NME7: variants seen among roughly 807,000 people sequenced by gnomAD.
NME7 encodes nucleoside diphosphate kinase 7.
Under a neutral mutation model 49.1 loss-of-function variants are expected in NME7, and 41 were observed. The ratio of observed to expected loss-of-function variants is 0.83; its 90% CI spans 0.65 to 1.08. The LOEUF (loss-of-function observed/expected upper bound fraction) is 1.08. Ranked by LOEUF, NME7 falls within the 50% of genes least tolerant of loss-of-function variation. The pLI is 0.00. For synonymous variants in NME7, 139 were observed against 150.6 expected, an observed-to-expected ratio of 0.92 and a Z score of 0.56; for missense variants, 423 against 463.4, an observed-to-expected ratio of 0.91 and a Z score of 0.80.
chr1:169,246,592 A>C (rs554711019), intron 7 of NME7, among the ~76,000 whole-genome samples: 13 of 152,214 alleles, frequency 8.5e-5, no homozygotes, highest in African/African-American at 2.9e-4. Flanking sequence ...AAAAAGAGTA[A>C]CCAATAGAAC....
rs528628023 is a variant in NME7 at position 169,276,290 on chromosome 1, C to G, written c.754+11013G>C. On this transcript the variant is annotated intron_variant, in intron 7 of 11. Transcript: ENST00000367811. The stretch of plus-strand genomic sequence containing the variant: ...CCAGTTCCTCCTTGTACCTCTGGTA[C>G]AATTCGGCTGTGAATCCATCTGGTC... Among the ~76,000 whole-genome samples the G allele has an allele frequency of 7.5e-5, 10 of 133,550 alleles. 2 individuals carry two copies. Among genetic ancestry groups the G allele is most frequent in the South Asian group, 2.3e-4 (1 of 4,300 alleles). 87.6% of individuals were successfully genotyped at this position (133,550 alleles called of 152,430 possible).
intron 10 of NME7, among the ~76,000 whole-genome samples, chr1:169,184,770 ATG>A (rs1466508028): frequency 7.2e-6 from 1 of 139,118 alleles, no homozygotes; most frequent in East Asian, 1.2e-3. Context: ...GAAGTCAGAC[ATG>A]TTAATAAACA....
rs190286773 is a variant in NME7, at chr1:169,138,496, G to T, written c.1099-5679C>A. ...AGGCCAAGGCAGGAGGATCACTTGA[G>T]CCCAGGAGTTCGAAACTAGCCTGGG... On this transcript the variant is annotated intron_variant, in intron 11 of 11. Coordinates refer to ENST00000367811, the MANE Select transcript of NME7 (RefSeq NM_013330.5). 1.2e-3 allele frequency among the ~76,000 whole-genome samples: 177 copies of T among 152,176 alleles called. No individual in the cohort carries two copies. In the Middle Eastern group the frequency reaches 0.017, roughly 15 times the overall value.
chr1:169,178,005 T>A (rs192713542), intron 10 of NME7, among the ~76,000 whole-genome samples: 1 of 151,772 alleles, frequency 6.6e-6, no homozygotes, highest in Admixed American at 6.6e-5. Flanking sequence ...CCCAGCTAAT[T>A]TTTTTTTGTA....
At position 169,280,802 on chromosome 1, in the gene NME7, C is replaced by T. The variant is rs575006357; in HGVS notation, c.754+6501G>A. ...TTATTTCTGAGGCCTACATTCTGTT[C>T]CTTTTGTCTACATATCTGTTTTGGT... On this transcript the variant is annotated intron_variant, in intron 7 of 11. Transcript: ENST00000367811. 1.5e-4 allele frequency among the ~76,000 whole-genome samples: 22 copies of T among 147,776 alleles called. 1 individual carries two copies. Among genetic ancestry groups the T allele is most frequent in the South Asian group, 1.3e-3 (6 of 4,544 alleles).
chr1:169,327,199 G>T (rs1388521406), intron 1 of NME7, among the ~76,000 whole-genome samples: 2 of 152,210 alleles, frequency 1.3e-5, no homozygotes, highest in Non-Finnish European at 2.9e-5. Context: ...TGTCACAGAT[G>T]CTCTGATGAG....
chr1:169,176,994 A>T (rs1004995436), intron 10 of NME7, among the ~76,000 whole-genome samples: 1 of 152,090 alleles, frequency 6.6e-6, no homozygotes, highest in East Asian at 1.9e-4. Context: ...ATTACTACTA[A>T]AAAATTTAAG....
intron 10 of NME7, among the ~76,000 whole-genome samples, chr1:169,208,604 A>AT (rs746865209): frequency 6.6e-6 from 1 of 152,150 alleles, no homozygotes; most frequent in Non-Finnish European, 1.5e-5. Flanking sequence ...GAAGAAAGGT[A>AT]TATTTCTATT....
At chr1:169,153,392 A>G (rs1034391781) in intron 11 of NME7, among the ~76,000 whole-genome samples, 2 of 152,150 alleles carry the variant, frequency 1.3e-5, no homozygotes, top group Non-Finnish European at 2.9e-5. Flanking sequence ...TACTCTACCA[A>G]AGGAACCCTC....
chr1:169,308,065 C>T (rs1651246081), intron 4 of NME7, among the ~76,000 whole-genome samples: 1 of 150,920 alleles, frequency 6.6e-6, no homozygotes, highest in South Asian at 2.1e-4. Context: ...GAAATAAACA[C>T]AGTGGTCAAC....
intron 10 of NME7, among the ~76,000 whole-genome samples, chr1:169,216,484 C>T (rs1026893855): frequency 5.3e-5 from 8 of 152,226 alleles, no homozygotes; most frequent in Non-Finnish European, 1.2e-4. Flanking sequence ...CTCCACACCC[C>T]TTCTTATACA....
At chr1:169,205,691 C>A (rs1444143739) in intron 10 of NME7, among the ~76,000 whole-genome samples, 1 of 152,130 alleles carries the variant, frequency 6.6e-6, no homozygotes, top group East Asian at 1.9e-4. Context: ...TCTGCTCCGG[C>A]CCCACTTTGT....
chr1:169,226,254 TTTAA>T (rs1647334575), intron 10 of NME7, among the ~76,000 whole-genome samples: 2 of 152,312 alleles, frequency 1.3e-5, no homozygotes, highest in South Asian at 4.1e-4. Flanking sequence ...GAGATTACTA[TTTAA>T]TTATCAATTC....
intron 10 of NME7, among the ~76,000 whole-genome samples, chr1:169,216,815 G>T (rs185670986): frequency 3.3e-4 from 50 of 152,338 alleles, no homozygotes; most frequent in African/African-American, 1.1e-3. Flanking sequence ...TTGATTGGTT[G>T]TTGGTAGGGA....
intron 7 of NME7, among the ~76,000 whole-genome samples, chr1:169,268,669 T>G (rs1284840042): frequency 7.5e-6 from 1 of 133,628 alleles, no homozygotes; most frequent in African/African-American, 2.5e-5. Context: ...GCCATTATCC[T>G]TAGCAAACTA....
At chr1:169,199,727 T>G (rs1188128343) in intron 10 of NME7, among the ~76,000 whole-genome samples, 1 of 152,002 alleles carries the variant, frequency 6.6e-6, no homozygotes, top group Admixed American at 6.6e-5. Flanking sequence ...CTGCACATTA[T>G]AACTCTAAGC....
At chr1:169,179,877 T>A (rs12756799) in intron 10 of NME7, among the ~76,000 whole-genome samples, 56,308 of 151,662 alleles carry the variant, frequency 0.37, 11,031 homozygotes, top group East Asian at 0.73. Context: ...TGGATTTAAT[T>A]CCTGGGTGGT....
intron 7 of NME7, among the ~76,000 whole-genome samples, chr1:169,280,840 C>T (rs912047074): frequency 2.7e-5 from 4 of 150,406 alleles, no homozygotes; most frequent in Admixed American, 2.6e-4. Flanking sequence ...AAGTACCATG[C>T]TGTTTTGGTT....
chr1:169,188,369 A>T (rs906886610), intron 10 of NME7, among the ~76,000 whole-genome samples: 1 of 152,202 alleles, frequency 6.6e-6, no homozygotes, highest in Non-Finnish European at 1.5e-5. Flanking sequence ...AAAGCTGTAC[A>T]ATCATGATCT....
Sources: gnomAD v4.1 joint callset for allele counts (sites outside exome capture counted in the v4.1 genomes callset) on GRCh38, gnomAD v4.1.1 for gene constraint, MANE v1.5 for transcripts, NCBI Gene and HGNC (gene_info 2026-07-23, HGNC 2026-07-21) for gene names.